CTNNA3: variants seen among roughly 807,000 people sequenced by gnomAD.
CTNNA3 encodes the protein catenin alpha 3.
CTNNA3 carries 76 observed loss-of-function variants against 95.7 expected under a neutral mutation model. That is an observed-to-expected ratio of 0.79 (90% CI 0.66 to 0.96). The LOEUF is 0.96. Ranked by LOEUF, CTNNA3 falls within the 40% of genes least tolerant of loss-of-function variation. CTNNA3 has a pLI of 0.00. For synonymous variants in CTNNA3, 431 were observed against 374.4 expected (o/e 1.15, Z -1.74); for missense variants, 1,191 against 1,089.8 (o/e 1.09, Z -1.31).
chr10:67,708,609 A>C (rs1841090659), intron 1 of CTNNA3, among the ~76,000 whole-genome samples: 1 of 152,152 alleles, frequency 6.6e-6, no homozygotes, highest in Admixed American at 6.6e-5. Context: ...ATGTTAAAGA[A>C]ATTGTCCTGT....
chr10:67,393,715 C>T (rs1480656836), intron 5 of CTNNA3, among the ~76,000 whole-genome samples: 1 of 152,050 alleles, frequency 6.6e-6, no homozygotes, highest in African/African-American at 2.4e-5. Flanking sequence ...TTGACCCAGC[C>T]AAATTAGGGC....
At chr10:66,302,949 T>G (rs576849735) in intron 12 of CTNNA3, among the ~76,000 whole-genome samples, 1 of 152,128 alleles carries the variant, frequency 6.6e-6, no homozygotes, top group Non-Finnish European at 1.5e-5. Flanking sequence ...TTCATCTTAT[T>G]TACAGATTAA....
intron 7 of CTNNA3, among the ~76,000 whole-genome samples, chr10:66,953,289 T>C (rs936365835): frequency 2.0e-5 from 3 of 152,184 alleles, no homozygotes; most frequent in African/African-American, 7.2e-5. Context: ...AAATCATTAA[T>C]TGTCTTTGAA....
intron 5 of CTNNA3, among the ~76,000 whole-genome samples, chr10:67,330,157 G>T (rs971674510): frequency 6.6e-6 from 1 of 152,226 alleles, no homozygotes; most frequent in African/African-American, 2.4e-5. Context: ...TGCTATTACT[G>T]TTGGTCATTA....
intron 11 of CTNNA3, among the ~76,000 whole-genome samples, chr10:66,444,485 A>T (rs2093402267): frequency 6.6e-6 from 1 of 152,108 alleles, no homozygotes; most frequent in Admixed American, 6.5e-5. Flanking sequence ...CTTGGCAAAA[A>T]CTCTACAAGC....
intron 1 of CTNNA3, among the ~76,000 whole-genome samples, chr10:67,717,877 G>C (rs576779474): frequency 1.3e-5 from 2 of 152,172 alleles, no homozygotes; most frequent in South Asian, 4.2e-4. Flanking sequence ...AGCTTGATGG[G>C]GATAGCATTA....
At chr10:66,185,841 G>C (rs2086306625) in intron 13 of CTNNA3, among the ~76,000 whole-genome samples, 1 of 151,632 alleles carries the variant, frequency 6.6e-6, no homozygotes, top group African/African-American at 2.4e-5. Context: ...CTAATATTTA[G>C]ATAAGAACCC....
chr10:65,948,331 TG>T (rs1318411430), intron 17 of CTNNA3, among the ~76,000 whole-genome samples: 4 of 149,890 alleles, frequency 2.7e-5, no homozygotes, highest in Admixed American at 2.0e-4. Context: ...AGCGCATGCA[TG>T]CACACCCCCC....
chr10:66,338,286 G>C (rs2092417652), intron 12 of CTNNA3, among the ~76,000 whole-genome samples: 1 of 151,966 alleles, frequency 6.6e-6, no homozygotes, highest in Non-Finnish European at 1.5e-5. Flanking sequence ...TTGGTTGCCT[G>C]GGCCTGGAGG....
chr10:66,297,876 G>C (rs1168432324), intron 12 of CTNNA3, among the ~76,000 whole-genome samples: 1 of 152,142 alleles, frequency 6.6e-6, no homozygotes, highest in African/African-American at 2.4e-5. Context: ...TGCGAGGATG[G>C]AGCCATGGGG....
At chr10:66,483,755 T>C (rs1839625292) in intron 11 of CTNNA3, among the ~76,000 whole-genome samples, 1 of 152,124 alleles carries the variant, frequency 6.6e-6, no homozygotes, top group Admixed American at 6.6e-5. Context: ...CTGAAATTAC[T>C]CTAACACCAA....
At chr10:66,111,107 G>A (rs530791257) in intron 13 of CTNNA3, among the ~76,000 whole-genome samples, 1 of 152,296 alleles carries the variant, frequency 6.6e-6, no homozygotes, top group African/African-American at 2.4e-5. Flanking sequence ...ACAGTGCTGA[G>A]GGAGGGACCT....
intron 7 of CTNNA3, among the ~76,000 whole-genome samples, chr10:66,836,588 G>A (rs1842895199): frequency 6.6e-6 from 1 of 152,098 alleles, no homozygotes; most frequent in African/African-American, 2.4e-5. Flanking sequence ...CTGCAGTGGG[G>A]CTCCTAAAGT....
chr10:66,690,192 C>T (rs967156089), intron 9 of CTNNA3, among the ~76,000 whole-genome samples: 3 of 152,048 alleles, frequency 2.0e-5, no homozygotes, highest in African/African-American at 7.2e-5. Flanking sequence ...AATGAAGGTT[C>T]ATCAATGGTG....
rs181127823 is a variant in CTNNA3 at position 67,395,057 on chromosome 10, G to A, written c.579+126785C>T. 2.9e-3 allele frequency among the ~76,000 whole-genome samples: 439 copies of A among 152,140 alleles called. 2 individuals carry two copies. The highest frequency in any genetic ancestry group is 3.6e-3 in the Non-Finnish European group (248 of 67,980). On this transcript the variant is annotated intron_variant, in intron 5 of 17. Transcript: ENST00000433211. ...CAAATTTATCTTAAATAATTCTTAA[G>A]TACACTTTCTCCTCATATATATTTT...
chr10:66,339,274 C>A lies in CTNNA3; in HGVS notation c.1732+39878G>T, dbSNP rs139175957. Among the ~76,000 whole-genome samples, 845 of 151,820 alleles carry A rather than the reference C, an allele frequency of 5.6e-3. 8 individuals carry two copies. Among genetic ancestry groups the A allele is most frequent in the African/African-American group, 0.019 (790 of 41,514 alleles). The stretch of plus-strand genomic sequence containing the variant: ...GATTAGAGTAAAACAATTTAGCTAG[C>A]TATTAAAAGAACAATAATTTTTAAA... On this transcript the variant is annotated intron_variant, in intron 12 of 17. Coordinates refer to ENST00000433211, the MANE Select transcript of CTNNA3 (RefSeq NM_013266.4).
chr10:67,180,328 A>T lies in CTNNA3; in HGVS notation c.1036T>A (p.Tyr346Asn), dbSNP rs143203517. The change falls in exon 7 of 18, where the codon TAC (tyrosine) becomes AAC (asparagine). Residue 346 changes from tyrosine (Y) to asparagine (N), a missense_variant. Coordinates refer to ENST00000433211, the MANE Select transcript of CTNNA3 (RefSeq NM_013266.4). Reference protein sequence around the residue: ...RQALQDLLSEYMNNAGKKERS... With the variant: ...RQALQDLLSENMNNAGKKERS... ...AACCAGTCACCTACGTTGTTCATGT[A>T]CTCTGAAAGCAGATCCTGAAGAGCC... 1 of 1,613,268 alleles carries T rather than the reference A, an allele frequency of 6.2e-7. No individual in the cohort carries two copies. The highest frequency in any genetic ancestry group is 8.5e-7 in the Non-Finnish European group (1 of 1,179,810).
At chr10:66,979,108 G>A (rs1264648261) in intron 7 of CTNNA3, among the ~76,000 whole-genome samples, 1 of 151,614 alleles carries the variant, frequency 6.6e-6, no homozygotes, top group East Asian at 1.9e-4. Context: ...GGGATTACAG[G>A]CACCCACCAC....
At chr10:66,090,106 T>C (rs2081158509) in intron 14 of CTNNA3, among the ~76,000 whole-genome samples, 1 of 151,980 alleles carries the variant, frequency 6.6e-6, no homozygotes, top group South Asian at 2.1e-4. Context: ...AACACAGCAC[T>C]TCTTTTCTTC....
Sources: allele counts gnomAD v4.1 joint callset (sites outside exome capture counted in the v4.1 genomes callset), GRCh38; gene constraint gnomAD v4.1.1; transcripts MANE v1.5; gene names NCBI Gene and HGNC (gene_info 2026-07-23, HGNC 2026-07-21).